The following STXBP6 variants were observed in gnomAD, a reference collection of about 807,000 sequenced individuals.
STXBP6 encodes the protein syntaxin binding protein 6.
A neutral mutation model predicts 26.9 loss-of-function variants in STXBP6; 21 were observed. The observed-to-expected ratio is 0.78, with a 90% CI of 0.55 to 1.12. STXBP6 has a LOEUF of 1.12. Among genes scored for constraint, STXBP6 ranks in the 50% most tolerant of loss-of-function variants. The pLI is 0.00. For synonymous variants in STXBP6, 97 were observed against 92.6 expected, an observed-to-expected ratio of 1.05 and a Z score of -0.27; for missense variants, 232 against 257.9, an observed-to-expected ratio of 0.90 and a Z score of 0.69.
At position 24,819,323 on chromosome 14, in the gene STXBP6, A is replaced by G; in HGVS notation, c.452-129T>C. The stretch of plus-strand genomic sequence containing the variant: ...CAGAAAGGCCGCTCGTCTAGTGTCT[A>G]GGAAACAAGCCGACATTTCTTTTGA... On this transcript the variant is annotated intron_variant, in intron 4 of 5. Transcript: ENST00000323944. 4 of 1,053,628 alleles carry G rather than the reference A, an allele frequency of 3.8e-6. 1 individual carries two copies. The highest frequency in any genetic ancestry group is 2.7e-5 in the South Asian group (2 of 75,056). The allele number at this position is 1,053,628 out of a possible 1,614,324, so 65.3% of individuals were successfully genotyped here.
chr14:24,965,952 C>T (rs529589712), intron 2 of STXBP6, among the ~76,000 whole-genome samples: 1 of 152,364 alleles, frequency 6.6e-6, no homozygotes, highest in Admixed American at 6.5e-5. Flanking sequence ...GCCAGGTACA[C>T]AGTGCCTTGC....
At chr14:24,975,663 A>G (rs1255692583) in intron 1 of STXBP6, among the ~76,000 whole-genome samples, 2 of 152,240 alleles carry the variant, frequency 1.3e-5, no homozygotes, top group Non-Finnish European at 2.9e-5. Context: ...ATAAAGCAGT[A>G]TGACGCTGAC....
At chr14:24,877,622 T>C (rs935832510) in intron 2 of STXBP6, among the ~76,000 whole-genome samples, 8 of 152,168 alleles carry the variant, frequency 5.3e-5, no homozygotes, top group African/African-American at 1.9e-4. Context: ...CTACTTTGTA[T>C]AGCTGCATAA....
intron 2 of STXBP6, among the ~76,000 whole-genome samples, chr14:24,875,264 G>A (rs2070095860): frequency 6.6e-6 from 1 of 152,128 alleles, no homozygotes. Context: ...AATTCTATGA[G>A]TCACAGAAGT....
intron 1 of STXBP6, among the ~76,000 whole-genome samples, chr14:25,025,564 A>G (rs1055675185): frequency 5.9e-5 from 9 of 152,232 alleles, no homozygotes; most frequent in African/African-American, 2.2e-4. Context: ...TAGAATTAAG[A>G]GACCTGATGC....
intron 2 of STXBP6, among the ~76,000 whole-genome samples, chr14:24,860,946 A>G (rs1427212258): frequency 6.7e-6 from 1 of 150,040 alleles, no homozygotes; most frequent in Non-Finnish European, 1.5e-5. Context: ...CATATTTGAG[A>G]TAGCTGAATA....
chr14:24,911,022 T>C (rs1194721336), intron 2 of STXBP6, among the ~76,000 whole-genome samples: 2 of 152,256 alleles, frequency 1.3e-5, no homozygotes, highest in Admixed American at 1.3e-4. Flanking sequence ...AGGTTTGAAC[T>C]ATTTCATAAT....
intron 4 of STXBP6, among the ~76,000 whole-genome samples, chr14:24,828,207 A>ATATT (rs2068346198): frequency 6.6e-6 from 1 of 152,188 alleles, no homozygotes; most frequent in African/African-American, 2.4e-5. Context: ...CCAGATAGCA[A>ATATT]GGATACCTCT....
At chr14:25,042,861 C>T (rs1033016779) in intron 1 of STXBP6, among the ~76,000 whole-genome samples, 1 of 152,344 alleles carries the variant, frequency 6.6e-6, no homozygotes, top group East Asian at 1.9e-4. Flanking sequence ...TCAGCTCCAG[C>T]GGTGTTAAAC....
chr14:25,035,152 CAAA>C (rs1168180231), intron 1 of STXBP6, among the ~76,000 whole-genome samples: 5 of 77,926 alleles, frequency 6.4e-5, no homozygotes, highest in Admixed American at 1.4e-4. Context: ...ACTCTGTCTC[CAAA>C]AAAAAAAAAA....
At chr14:24,861,724 G>A (rs971615748) in intron 2 of STXBP6, among the ~76,000 whole-genome samples, 1 of 152,194 alleles carries the variant, frequency 6.6e-6, no homozygotes, top group African/African-American at 2.4e-5. Flanking sequence ...GGGAAATGGA[G>A]CATGGTGCTC....
At chr14:24,989,337 T>C (rs1342700795) in intron 1 of STXBP6, among the ~76,000 whole-genome samples, 1 of 152,156 alleles carries the variant, frequency 6.6e-6, no homozygotes, top group African/African-American at 2.4e-5. Flanking sequence ...TAAGAATATA[T>C]TTTCAGAAAG....
intron 1 of STXBP6, among the ~76,000 whole-genome samples, chr14:25,002,192 C>T (rs1240629766): frequency 6.6e-6 from 1 of 152,114 alleles, no homozygotes; most frequent in Admixed American, 6.5e-5. Context: ...TAGATTAATA[C>T]TTTCAGGATA....
At chr14:24,855,837 C>T in intron 4 of STXBP6, 99 bp downstream of exon 4, 4 of 1,150,940 alleles carry the variant, frequency 3.5e-6, no homozygotes, top group Admixed American at 2.6e-5. Flanking sequence ...GATTCTTCTC[C>T]TGTTTTTGTC....
chr14:25,016,217 G>C (rs2075144299), intron 1 of STXBP6, among the ~76,000 whole-genome samples: 1 of 151,514 alleles, frequency 6.6e-6, no homozygotes. Context: ...TTCACCCAAG[G>C]AAAAAAAGAT....
At chr14:24,918,230 A>G (rs2071838842) in intron 2 of STXBP6, among the ~76,000 whole-genome samples, 1 of 151,938 alleles carries the variant, frequency 6.6e-6, no homozygotes, top group African/African-American at 2.4e-5. Flanking sequence ...TAAACTAAAA[A>G]CCAATTGTAC....
chr14:24,999,252 T>G (rs1349174880), intron 1 of STXBP6, among the ~76,000 whole-genome samples: 1 of 152,030 alleles, frequency 6.6e-6, no homozygotes. Flanking sequence ...TTATTCAGAC[T>G]GCAGAAAACC....
chr14:24,977,540 G>T (rs1047082678), intron 1 of STXBP6, among the ~76,000 whole-genome samples: 6 of 151,688 alleles, frequency 4.0e-5, no homozygotes, highest in Non-Finnish European at 7.4e-5. Context: ...GTGATTTCTG[G>T]GTAAATCTCT....
At chr14:25,031,509 C>A (rs1025890573) in intron 1 of STXBP6, among the ~76,000 whole-genome samples, 12 of 152,110 alleles carry the variant, frequency 7.9e-5, no homozygotes, top group Admixed American at 7.9e-4. Flanking sequence ...AGAATAGATT[C>A]TTTCTAGAGA....
Sources: allele counts gnomAD v4.1 joint callset (sites outside exome capture counted in the v4.1 genomes callset), GRCh38; gene constraint gnomAD v4.1.1; transcripts MANE v1.5; gene names NCBI Gene and HGNC (gene_info 2026-07-23, HGNC 2026-07-21).